Variants in CDH4 observed in about 807,000 individuals in gnomAD.
CDH4 encodes the protein cadherin-4.
CDH4 carries 33 observed loss-of-function variants against 86.0 expected under a neutral mutation model. That is an observed-to-expected ratio of 0.38 (90% CI 0.29 to 0.51). The LOEUF is 0.51. Ranked by LOEUF, CDH4 falls within the 20% of genes least tolerant of loss-of-function variation. The pLI, the probability that CDH4 is intolerant of heterozygous loss-of-function variation, is 0.86. For synonymous variants in CDH4, 555 were observed against 549.4 expected (o/e 1.01, Z -0.14); for missense variants, 1,114 against 1,307.4 (o/e 0.85, Z 2.28).
At chr20:61,310,554 G>A (rs898356264) in intron 2 of CDH4, among the ~76,000 whole-genome samples, 5 of 152,282 alleles carry the variant, frequency 3.3e-5, no homozygotes, top group Admixed American at 1.3e-4. Context: ...GAGAGGAGGC[G>A]GAGCTCAGGC....
intron 2 of CDH4, among the ~76,000 whole-genome samples, chr20:61,645,350 G>C (rs1454109990): frequency 6.6e-6 from 1 of 152,208 alleles, no homozygotes; most frequent in Admixed American, 6.5e-5. Flanking sequence ...TTGCCGGCCA[G>C]GTGCAGCTGC....
intron 2 of CDH4, among the ~76,000 whole-genome samples, chr20:61,468,128 G>T (rs373820367): frequency 6.6e-6 from 1 of 152,178 alleles, no homozygotes; most frequent in Admixed American, 6.5e-5. Context: ...ATCACCTAGG[G>T]GTGATTGATT....
In CDH4 at chr20:61,923,634, G is replaced by A. The variant is rs148441133; in HGVS notation, c.1558G>A (p.Val520Met). Reference sequence around the variant, plus strand: ...CAAGCTGATCCGCCTGGAGGAGGGCGTGCCCCCCGGCACCGTGCTGACCAC... The same window carrying A: ...CAAGCTGATCCGCCTGGAGGAGGGCATGCCCCCCGGCACCGTGCTGACCAC... ...NHKLIRLEEG[V>M]PPGTVLTTFS... The change falls in exon 10 of 16, where the codon GTG becomes ATG. Residue 520 changes from valine to methionine, a missense_variant. Coordinates refer to ENST00000614565, the MANE Select transcript of CDH4 (RefSeq NM_001794.5). 40 of 1,613,948 alleles carry A rather than the reference G, an allele frequency of 2.5e-5. No individual in the cohort carries two copies. The highest frequency in any genetic ancestry group is 8.8e-5 in the South Asian group (8 of 91,090).
In CDH4 at chr20:61,567,832, G is replaced by A. The variant is rs1434447469; in HGVS notation, c.170-175731G>A. ...CCCCGTATGTTAAAAAGTTAGCCAG[G>A]TGTGGTGACACACACCTGTGGTCTC... On this transcript the variant is annotated intron_variant, in intron 2 of 15. Coordinates refer to ENST00000614565, the MANE Select transcript of CDH4 (RefSeq NM_001794.5). Among the ~76,000 whole-genome samples, 4 of 152,176 alleles carry A rather than the reference G, an allele frequency of 2.6e-5. No individual in the cohort carries two copies. In the East Asian group the frequency reaches 7.8e-4, roughly 30 times the overall value.
intron 11 of CDH4, 102 bp from the exon 12 acceptor site, chr20:61,928,088 T>C: frequency 1.0e-5 from 9 of 875,348 alleles, no homozygotes; most frequent in Non-Finnish European, 1.5e-5. Context: ...TGTCCCTGTG[T>C]ATGTTGCACG....
At chr20:61,908,751 A>G (rs913665135) in intron 8 of CDH4, among the ~76,000 whole-genome samples, 1 of 152,168 alleles carries the variant, frequency 6.6e-6, no homozygotes, top group African/African-American at 2.4e-5. Flanking sequence ...TTTCTTACCG[A>G]AGGGACAGCT....
At chr20:61,527,230 A>G (rs2145635328) in intron 2 of CDH4, among the ~76,000 whole-genome samples, 1 of 152,328 alleles carries the variant, frequency 6.6e-6, no homozygotes, top group South Asian at 2.1e-4. Context: ...CAATAAAGGT[A>G]AACACCAGTT....
chr20:61,544,909 G>C lies in CDH4; in HGVS notation c.170-198654G>C, dbSNP rs1021775604. Among the ~76,000 whole-genome samples, 1 of 152,132 alleles carries C rather than the reference G, an allele frequency of 6.6e-6. No homozygotes were observed. Among genetic ancestry groups the C allele is most frequent in the Non-Finnish European group, 1.5e-5 (1 of 68,032 alleles). Reference sequence around the variant, plus strand: ...GGAACTTGGTACATACAGGTGCTAGGTACAATCAAATGTATGTGATAAGTA... The same window carrying C: ...GGAACTTGGTACATACAGGTGCTAGCTACAATCAAATGTATGTGATAAGTA... On this transcript the variant is annotated intron_variant, in intron 2 of 15. Transcript: ENST00000614565. This position sits in a 1 kb window ranked among gnomAD's most constrained non-coding sequence, Gnocchi z 6.5.
intron 2 of CDH4, among the ~76,000 whole-genome samples, chr20:61,660,280 C>A (rs887987471): frequency 1.3e-5 from 2 of 152,226 alleles, no homozygotes; most frequent in East Asian, 1.9e-4. Flanking sequence ...CCTCCACTTA[C>A]AACAGAAACG....
At chr20:61,697,570 C>G (rs1292662697) in intron 2 of CDH4, among the ~76,000 whole-genome samples, 1 of 152,146 alleles carries the variant, frequency 6.6e-6, no homozygotes, top group East Asian at 1.9e-4. Context: ...TGCACTCCAG[C>G]CTGGGCGACA....
intron 2 of CDH4, among the ~76,000 whole-genome samples, chr20:61,503,163 T>C (rs888750545): frequency 6.6e-6 from 1 of 152,132 alleles, no homozygotes; most frequent in Non-Finnish European, 1.5e-5. Flanking sequence ...GGGGTGTTTG[T>C]GGATGGAACA....
rs1262061166 is a variant in CDH4, at chr20:61,565,302, TGCTCTTGGTGGTGGC to T, written c.170-178259_170-178245del. Among the ~76,000 whole-genome samples, 6 of 67,200 alleles carry T rather than the reference TGCTCTTGGTGGTGGC, an allele frequency of 8.9e-5. 2 individuals carry two copies. The highest frequency in any genetic ancestry group is 1.2e-3 in the South Asian group (2 of 1,652). The allele number at this position is 67,200 out of a possible 152,430, so 44.1% of individuals were successfully genotyped here. A position where few individuals can be genotyped will look rare whatever the true frequency, so the allele number is the denominator to read the frequency against. ...GGTGATGGGGTGATGGTGGTGGCGG[TGCTCTTGGTGGTGGC>T]GGTGCTCTTGGTGATGGTGGTAGTG... On this transcript the variant is annotated intron_variant, in intron 2 of 15. Coordinates refer to ENST00000614565, the MANE Select transcript of CDH4 (RefSeq NM_001794.5).
chr20:61,357,663 T>A (rs2084758619), intron 2 of CDH4, among the ~76,000 whole-genome samples: 1 of 152,160 alleles, frequency 6.6e-6, no homozygotes, highest in African/African-American at 2.4e-5. Context: ...TCAGTGTAGG[T>A]CCAGTGTTGC....
rs369441824 is a variant in CDH4 at position 61,340,589 on chromosome 20, CTT to C, written c.169+85663_169+85664del. Among the ~76,000 whole-genome samples, 1,090 of 144,904 alleles carry C rather than the reference CTT, an allele frequency of 7.5e-3. 18 individuals are homozygous for C. The highest frequency in any genetic ancestry group is 0.056 in the South Asian group (254 of 4,574). Reference sequence around the variant, plus strand: ...GTTTGTTTCTTTTATTTATATGTTTCTTTTTTTTTTTTCAAGACAGTGTCTTG... The same window carrying C: ...GTTTGTTTCTTTTATTTATATGTTTCTTTTTTTTTTCAAGACAGTGTCTTG... On this transcript the variant is annotated intron_variant, in intron 2 of 15. Transcript: ENST00000614565.
intron 3 of CDH4, among the ~76,000 whole-genome samples, chr20:61,772,484 C>A (rs1161082004): frequency 6.6e-6 from 1 of 152,114 alleles, no homozygotes; most frequent in Non-Finnish European, 1.5e-5. Flanking sequence ...TATTCATGTC[C>A]TTTTCTTGTT....
rs567109573 is a variant in CDH4, at chr20:61,829,418, G to A, written c.577-15250G>A. ...ACTCAGCAGCTGACAGACACTTGGC[G>A]GTTGCACTTTGGGGCTGTTGTCAGT... On this transcript the variant is annotated intron_variant, in intron 4 of 15. Transcript: ENST00000614565. The surrounding 1 kb of genome is among the most constrained non-coding windows in gnomAD (Gnocchi z 4.2). 2.0e-5 allele frequency among the ~76,000 whole-genome samples: 3 copies of A among 152,362 alleles called. No individual in the cohort carries two copies. Among genetic ancestry groups the A allele is most frequent in the East Asian group, 3.9e-4 (2 of 5,192 alleles).
chr20:61,583,271 C>A (rs1600780798), intron 2 of CDH4, among the ~76,000 whole-genome samples: 1 of 46,476 alleles, frequency 2.2e-5, no homozygotes, highest in Non-Finnish European at 4.0e-5. Context: ...GAGGGCTCTG[C>A]GGGGGGACAG....
chr20:61,473,860 C>T (rs1308482953), intron 2 of CDH4, among the ~76,000 whole-genome samples: 3 of 152,084 alleles, frequency 2.0e-5, no homozygotes, highest in Non-Finnish European at 4.4e-5. Flanking sequence ...TACCCCTCCT[C>T]TTTTTACAGC....
At chr20:61,283,928 C>G (rs945272807) in intron 2 of CDH4, among the ~76,000 whole-genome samples, 1 of 152,162 alleles carries the variant, frequency 6.6e-6, no homozygotes, top group African/African-American at 2.4e-5. Flanking sequence ...TTCCTTTGGA[C>G]GTGCTTCCCA....
Sources: gnomAD v4.1 joint callset for allele counts (sites outside exome capture counted in the v4.1 genomes callset) on GRCh38, gnomAD v4.1.1 for gene constraint, Gnocchi (gnomAD v3.1) non-coding constraint, MANE v1.5 for transcripts, NCBI Gene and HGNC (gene_info 2026-07-23, HGNC 2026-07-21) for gene names.